Variants in ITPR2 observed in about 807,000 individuals in gnomAD.
ITPR2 encodes inositol 1,4,5-trisphosphate-gated calcium channel ITPR2.
In ITPR2, 207 loss-of-function variants were observed where a neutral mutation model predicts 317.1. The ratio of observed to expected loss-of-function variants is 0.65; its 90% CI spans 0.58 to 0.73. ITPR2 has a LOEUF of 0.73. ITPR2 is among the 30% of genes least tolerant of loss of function. The pLI is 0.00. For missense variants in ITPR2, 2,613 were observed against 3,284.0 expected (o/e 0.80, Z 4.99); for synonymous variants, 1,156 against 1,149.1 (o/e 1.01, Z -0.12).
chr12:26,525,750 C>T (rs971160082), intron 37 of ITPR2, among the ~76,000 whole-genome samples: 1 of 152,190 alleles, frequency 6.6e-6, no homozygotes, highest in East Asian at 1.9e-4. Context: ...ATGCCCTGTT[C>T]CTTCCTGATG....
rs114489711 is a variant in ITPR2, at chr12:26,611,049, G to A, written c.3463-8343C>T. 5.2e-3 allele frequency among the ~76,000 whole-genome samples: 798 copies of A among 152,322 alleles called. 4 individuals carry two copies. The highest frequency in any genetic ancestry group is 0.018 in the African/African-American group (748 of 41,572). ...AACTACCTATGGGGCAAGCTGGAGC[G>A]TAACCGTCTCAATAAAGGGACACAC... On this transcript the variant is annotated intron_variant, in intron 26 of 56. Coordinates refer to ENST00000381340, the MANE Select transcript of ITPR2 (RefSeq NM_002223.4).
chr12:26,659,077 C>A, intron 16 of ITPR2, 36 bp downstream of exon 16: 1 of 1,539,902 alleles, frequency 6.5e-7, no homozygotes, highest in South Asian at 1.2e-5. Flanking sequence ...GCCGCAATCT[C>A]CACTAGAAAA....
At chr12:26,429,565 A>AT (rs1323547141) in intron 48 of ITPR2, among the ~76,000 whole-genome samples, 3 of 152,138 alleles carry the variant, frequency 2.0e-5, no homozygotes, top group Non-Finnish European at 4.4e-5. Flanking sequence ...TAGAGTAAAT[A>AT]ATGTCTTCAA....
intron 34 of ITPR2, among the ~76,000 whole-genome samples, chr12:26,569,029 C>T (rs1055922514): frequency 6.6e-6 from 1 of 152,100 alleles, no homozygotes; most frequent in Non-Finnish European, 1.5e-5. Flanking sequence ...GTTGGTTCCA[C>T]ACCTTATACC....
intron 37 of ITPR2, among the ~76,000 whole-genome samples, chr12:26,507,012 T>C (rs1249908027): frequency 6.6e-6 from 1 of 152,224 alleles, no homozygotes; most frequent in Non-Finnish European, 1.5e-5. Context: ...ATTTCTTTAG[T>C]GTTCATTGCT....
chr12:26,615,216 CG>C (rs1215554653), intron 26 of ITPR2, among the ~76,000 whole-genome samples: 1 of 152,030 alleles, frequency 6.6e-6, no homozygotes, highest in African/African-American at 2.4e-5. Context: ...TCAAGTACAT[CG>C]GATCTCCGAG....
chr12:26,640,395 CT>C (rs1315063672), intron 21 of ITPR2, among the ~76,000 whole-genome samples: 1 of 151,890 alleles, frequency 6.6e-6, no homozygotes, highest in Non-Finnish European at 1.5e-5. Context: ...AAAACATATA[CT>C]TAGAATGTTA....
chr12:26,486,244 T>C lies in ITPR2; in HGVS notation c.5671A>G (p.Ile1891Val). 1.9e-6 allele frequency: 3 copies of C among 1,614,182 alleles called. No individual in the cohort carries two copies. Among genetic ancestry groups the C allele is most frequent in the Non-Finnish European group, 2.5e-6 (3 of 1,180,026 alleles). ...YRREMDPEIDIMCTGPEAGNT... is the reference protein window; with the variant it reads ...YRREMDPEIDVMCTGPEAGNT... ...CCCGCTTCTGGTCCTGTGCACATAATGTCTATTTCTGGATCCATTTCTCTT... is the reference window on the plus strand; with the variant it reads ...CCCGCTTCTGGTCCTGTGCACATAACGTCTATTTCTGGATCCATTTCTCTT... The change falls in exon 41 of 57, where the codon ATT becomes GTT. Residue 1891 changes from isoleucine to valine, a missense_variant. By Grantham distance (29) the Ile-to-Val change is conservative. Transcript: ENST00000381340.
At chr12:26,495,433 A>G in intron 37 of ITPR2, 173 bp from the exon 38 acceptor site, 1 of 538,520 alleles carries the variant, frequency 1.9e-6, no homozygotes, top group Non-Finnish European at 3.3e-6. Flanking sequence ...TCCCAATAAA[A>G]TAATCATTTT....
chr12:26,451,365 T>TCACACACACACACACACACACACACACA (rs57642539), intron 45 of ITPR2, among the ~76,000 whole-genome samples: 1 of 136,324 alleles, frequency 7.3e-6, no homozygotes, highest in African/African-American at 3.0e-5. Flanking sequence ...TTCTCTCATA[T>TCACACACACACACACACACACACACACA]CACACACACA....
chr12:26,622,353 G>T lies in ITPR2; in HGVS notation c.3175C>A (p.Arg1059=). 6.2e-7 allele frequency: 1 copy of T among 1,613,002 alleles called. No homozygotes were observed. The highest frequency in any genetic ancestry group is 8.5e-7 in the Non-Finnish European group (1 of 1,179,590). ...TGCATGATCAGATGAATGAGGACCC[G>T]TAAAAACGTCCTGCCTCCTTCATCG... ...LDDEGGRTFL[R]VLIHLIMHDY... The change falls in exon 25 of 57, where the codon CGG becomes AGG. Residue 1059 remains arginine, a synonymous_variant. Coordinates refer to ENST00000381340, the MANE Select transcript of ITPR2 (RefSeq NM_002223.4).
At chr12:26,790,586 TAC>T (rs10527860) in intron 1 of ITPR2, among the ~76,000 whole-genome samples, 17,663 of 147,700 alleles carry the variant, frequency 0.12, 1,767 homozygotes, top group East Asian at 0.42. Context: ...CATATATGCT[TAC>T]ACACACACAC....
intron 37 of ITPR2, among the ~76,000 whole-genome samples, chr12:26,531,293 GTAACAGCAGT>G (rs993758625): frequency 2.0e-5 from 3 of 152,142 alleles, no homozygotes; most frequent in African/African-American, 7.2e-5. Flanking sequence ...TGTACTGAGG[GTAACAGCAGT>G]GAACAGTAAA....
intron 45 of ITPR2, among the ~76,000 whole-genome samples, chr12:26,473,062 T>G (rs891004705): frequency 2.0e-5 from 3 of 152,122 alleles, no homozygotes; most frequent in Admixed American, 1.3e-4. Flanking sequence ...AATTTTTGTA[T>G]TTTTAGTACA....
chr12:26,469,826 G>C (rs1396891446), intron 45 of ITPR2, among the ~76,000 whole-genome samples: 1 of 152,148 alleles, frequency 6.6e-6, no homozygotes, highest in Non-Finnish European at 1.5e-5. Flanking sequence ...CATTCAGCTT[G>C]CTGCTGAGTT....
At chr12:26,794,029 A>G (rs539350529) in intron 1 of ITPR2, among the ~76,000 whole-genome samples, 1 of 152,312 alleles carries the variant, frequency 6.6e-6, no homozygotes, top group South Asian at 2.1e-4. Flanking sequence ...TTTTTTTACT[A>G]AAACTCATCT....
rs147128501 is a variant in ITPR2 at position 26,439,811 on chromosome 12, G to A, written c.6451-492C>T. 1.2e-3 allele frequency among the ~76,000 whole-genome samples: 179 copies of A among 152,200 alleles called. 1 individual carries two copies. The highest frequency in any genetic ancestry group is 4.0e-3 in the African/African-American group (167 of 41,528). On this transcript the variant is annotated intron_variant, in intron 46 of 56. Transcript: ENST00000381340. ...GAAAAGCGCTTTATATCATTAAAAT[G>A]TTCTCTTATTCATGGTAAAACATAT...
At chr12:26,437,804 G>C (rs186054937) in intron 47 of ITPR2, among the ~76,000 whole-genome samples, 1 of 152,010 alleles carries the variant, frequency 6.6e-6, no homozygotes, top group Non-Finnish European at 1.5e-5. Flanking sequence ...TTTGGTTTTT[G>C]TTTGTTTGTT....
intron 37 of ITPR2, among the ~76,000 whole-genome samples, chr12:26,545,262 C>T (rs1418710875): frequency 6.6e-6 from 1 of 152,032 alleles, no homozygotes; most frequent in Non-Finnish European, 1.5e-5. Flanking sequence ...TGAGTTAAGG[C>T]TCTTGAGATG....
Sources: gnomAD v4.1 joint callset for allele counts (sites outside exome capture counted in the v4.1 genomes callset) on GRCh38, gnomAD v4.1.1 for gene constraint, MANE v1.5 for transcripts, NCBI Gene and HGNC (gene_info 2026-07-23, HGNC 2026-07-21) for gene names.